The following RGSL1 variants were observed in gnomAD, a reference collection of about 807,000 sequenced individuals.
The protein encoded by RGSL1 is regulator of G protein signaling protein-like.
Under a neutral mutation model 124.7 loss-of-function variants are expected in RGSL1, and 97 were observed. The observed-to-expected ratio is 0.78, with a 90% CI of 0.66 to 0.92. The LOEUF (loss-of-function observed/expected upper bound fraction) is 0.92, where lower values mean the gene tolerates loss of function less well. RGSL1 is among the 40% of genes least tolerant of loss of function. The pLI is 0.00. For synonymous variants in RGSL1, 424 were observed against 438.1 expected (o/e 0.97, Z 0.40); for missense variants, 1,233 against 1,288.4 (o/e 0.96, Z 0.66).
chr1:182,513,702 G>A (rs1369807407), intron 9 of RGSL1, among the ~76,000 whole-genome samples: 1 of 152,088 alleles, frequency 6.6e-6, no homozygotes, highest in African/African-American at 2.4e-5. Flanking sequence ...ACTTTCAGGA[G>A]GTTCTCCAAA....
At chr1:182,514,613 T>G (rs978128200) in intron 9 of RGSL1, among the ~76,000 whole-genome samples, 13 of 152,138 alleles carry the variant, frequency 8.5e-5, no homozygotes, top group African/African-American at 2.9e-4. Context: ...TCAAGTCCTG[T>G]AGAGAGAAGG....
At position 182,514,253 on chromosome 1, in the gene RGSL1, CT is replaced by C. The variant is rs542572599; in HGVS notation, c.1826-7749del. 2.5e-3 allele frequency among the ~76,000 whole-genome samples: 386 copies of C among 152,258 alleles called. 1 individual carries two copies. Among genetic ancestry groups the C allele is most frequent in the South Asian group, 6.2e-3 (30 of 4,828 alleles). On this transcript the variant is annotated intron_variant, in intron 9 of 21. Transcript: ENST00000294854. ...TGGATAGCTTGCTGTAATTGAGTGA[CT>C]TGGTCCTCGTCCTACATAAGCCTTC...
intron 15 of RGSL1, among the ~76,000 whole-genome samples, chr1:182,546,715 T>G (rs1046564955): frequency 2.5e-4 from 38 of 152,344 alleles, no homozygotes; most frequent in Middle Eastern, 3.4e-3. Context: ...AAAAAGCTAC[T>G]TGCCTTCATT....
At chr1:182,456,193 T>A (rs1311346001) in intron 2 of RGSL1, among the ~76,000 whole-genome samples, 3 of 152,108 alleles carry the variant, frequency 2.0e-5, no homozygotes, top group African/African-American at 4.8e-5. Flanking sequence ...GGCAACAGGA[T>A]TAAAATGAGG....
chr1:182,548,445 C>T lies in RGSL1; in HGVS notation c.2798C>T (p.Pro933Leu). The change falls in exon 16 of 22, where the codon CCA (proline) becomes CTA (leucine). Residue 933 changes from proline (P) to leucine (L), a missense_variant. Pro to Leu is a moderately conservative substitution (Grantham distance 98). Coordinates refer to ENST00000294854, the MANE Select transcript of RGSL1 (RefSeq NM_001137669.2). ...QKLFLNSDIP[P>L]KLRVNVPEFQ... ...CTCTTCCTGAATTCTGACATCCCTC[C>T]AAAGCTGAGGGTAAGAAAGACTCCC... is the stretch of plus-strand genomic sequence containing the variant. 1.9e-6 allele frequency: 3 copies of T among 1,551,634 alleles called. No individual in the cohort carries two copies. The highest frequency in any genetic ancestry group is 2.6e-6 in the Non-Finnish European group (3 of 1,146,988).
intron 2 of RGSL1, among the ~76,000 whole-genome samples, 171 bp downstream of exon 2, chr1:182,454,211 C>T (rs1488635800): frequency 6.6e-6 from 1 of 152,130 alleles, no homozygotes; most frequent in Admixed American, 6.6e-5. Context: ...CCAGAACCAC[C>T]TGTAAAATCT....
intron 14 of RGSL1, among the ~76,000 whole-genome samples, chr1:182,536,358 A>G (rs1659539754): frequency 6.6e-6 from 1 of 152,184 alleles, no homozygotes; most frequent in South Asian, 2.1e-4. Flanking sequence ...GTTAAACTTT[A>G]TAAGGAATTG....
At chr1:182,542,252 T>A (rs1659939347) in intron 15 of RGSL1, among the ~76,000 whole-genome samples, 1 of 152,182 alleles carries the variant, frequency 6.6e-6, no homozygotes, top group Non-Finnish European at 1.5e-5. Flanking sequence ...TGGTGAGAGA[T>A]AGGTGTCTGG....
At chr1:182,473,537 C>T in intron 5 of RGSL1, 38 bp from the exon 6 acceptor site, 1 of 1,482,136 alleles carries the variant, frequency 6.7e-7, no homozygotes. Flanking sequence ...GCCATCATCC[C>T]ATCATTTTCA....
intron 18 of RGSL1, among the ~76,000 whole-genome samples, chr1:182,552,765 C>T (rs150463236): frequency 1.4e-4 from 21 of 152,328 alleles, no homozygotes; most frequent in African/African-American, 4.3e-4. Flanking sequence ...CGCTGCATCA[C>T]CCCATGGTGG....
chr1:182,513,588 G>C (rs983585759), intron 9 of RGSL1, among the ~76,000 whole-genome samples: 4 of 152,158 alleles, frequency 2.6e-5, no homozygotes, highest in Non-Finnish European at 5.9e-5. Flanking sequence ...TAGTTAACAG[G>C]TGCATTCTGG....
At chr1:182,474,749 T>C (rs545589721) in intron 6 of RGSL1, among the ~76,000 whole-genome samples, 1 of 152,174 alleles carries the variant, frequency 6.6e-6, no homozygotes, top group Non-Finnish European at 1.5e-5. Flanking sequence ...TGTTAGGAAC[T>C]GGGCCGCACA....
chr1:182,471,319 A>G (rs544459711), intron 4 of RGSL1: 13 of 457,430 alleles, frequency 2.8e-5, no homozygotes, highest in South Asian at 2.0e-4. Flanking sequence ...ACCAGTGGCT[A>G]CTCCAGAAAT....
chr1:182,495,858 C>T lies in RGSL1; in HGVS notation c.1825+2729C>T, dbSNP rs1010009273. On this transcript the variant is annotated intron_variant, in intron 9 of 21. Coordinates refer to ENST00000294854, the MANE Select transcript of RGSL1 (RefSeq NM_001137669.2). Reference sequence around the variant, plus strand: ...TCACCTGCTTAGGTAGTTTCTTGTACCTTCTGACCTGCCTCATGCCTGATT... The same window carrying T: ...TCACCTGCTTAGGTAGTTTCTTGTATCTTCTGACCTGCCTCATGCCTGATT... 3.9e-5 allele frequency among the ~76,000 whole-genome samples: 6 copies of T among 152,050 alleles called. No homozygotes were observed. In the South Asian group the frequency reaches 1.0e-3, roughly 26 times the overall value.
intron 15 of RGSL1, among the ~76,000 whole-genome samples, chr1:182,544,021 A>G (rs1660054814): frequency 6.6e-6 from 1 of 151,686 alleles, no homozygotes; most frequent in Non-Finnish European, 1.5e-5. Flanking sequence ...GGTATTATTA[A>G]TATTTTATTC....
chr1:182,500,279 C>T (rs566972592), intron 9 of RGSL1, among the ~76,000 whole-genome samples: 1 of 152,250 alleles, frequency 6.6e-6, no homozygotes, highest in East Asian at 1.9e-4. Context: ...CTTCTTTCCC[C>T]CCATTGAACG....
chr1:182,508,280 T>C (rs1238909938), intron 9 of RGSL1, among the ~76,000 whole-genome samples: 1 of 137,456 alleles, frequency 7.3e-6, no homozygotes, highest in African/African-American at 2.7e-5. Context: ...TGGTTGTTGG[T>C]GGTGGTGGTG....
upstream of RGSL1, chr1:182,450,115 G>A: frequency 2.6e-6 from 4 of 1,549,982 alleles, no homozygotes; most frequent in Non-Finnish European, 3.5e-6. Flanking sequence ...CTATTGACTG[G>A]GGGGTAATTC....
intron 12 of RGSL1, 56 bp downstream of exon 12, chr1:182,530,417 A>AG: frequency 4.6e-6 from 6 of 1,305,276 alleles, no homozygotes; most frequent in Non-Finnish European, 6.5e-6. Context: ...TTGGCTTCTG[A>AG]AAGCCATATG....
Sources: gnomAD v4.1 joint callset for allele counts (sites outside exome capture counted in the v4.1 genomes callset) on GRCh38, gnomAD v4.1.1 for gene constraint, MANE v1.5 for transcripts, NCBI Gene and HGNC (gene_info 2026-07-23, HGNC 2026-07-21) for gene names.